The following MAMDC2 variants were observed in gnomAD, a reference collection of about 807,000 sequenced individuals.
MAMDC2 encodes MAM domain-containing protein 2.
A neutral mutation model predicts 89.8 loss-of-function variants in MAMDC2; 57 were observed. The observed-to-expected ratio is 0.63, with a 90% CI of 0.51 to 0.79. MAMDC2 has a LOEUF of 0.79. Ranked by LOEUF, MAMDC2 falls within the 30% of genes least tolerant of loss-of-function variation. MAMDC2 has a pLI of 0.00. For missense variants in MAMDC2, 800 were observed against 820.6 expected (o/e 0.97, Z 0.31); for synonymous variants, 313 against 293.4 (o/e 1.07, Z -0.68).
intron 11 of MAMDC2, chr9:70,217,232 T>C: frequency 2.4e-6 from 2 of 848,028 alleles, no homozygotes; most frequent in Non-Finnish European, 4.1e-6. Context: ...GGGTACAAGA[T>C]CTACCCGGGA....
intron 11 of MAMDC2, among the ~76,000 whole-genome samples, chr9:70,202,627 G>C (rs1487465324): frequency 6.9e-6 from 1 of 144,506 alleles, no homozygotes; most frequent in African/African-American, 2.6e-5. Flanking sequence ...TTTCTGTCTC[G>C]TTGATCTGTC....
chr9:70,201,944 T>C (rs529509388), intron 11 of MAMDC2, among the ~76,000 whole-genome samples: 36 of 148,998 alleles, frequency 2.4e-4, no homozygotes, highest in Non-Finnish European at 4.6e-4. Flanking sequence ...TCTTCTCTCT[T>C]TTTTTCTTTA....
chr9:70,044,716 G>C lies in MAMDC2; in HGVS notation c.148+19G>C. The C allele has an allele frequency of 6.6e-7, 1 of 1,523,988 alleles. No homozygotes were observed. Among genetic ancestry groups the C allele is most frequent in the Non-Finnish European group, 8.9e-7 (1 of 1,122,296 alleles). 94.4% of individuals were successfully genotyped at this position (1,523,988 alleles called of 1,614,324 possible). Reference sequence around the variant, plus strand: ...GAGGAAGGTAAGGAGGCTCGGTGGAGAGGGGCGCGAAGTGAACTTTCTTCC... The same window carrying C: ...GAGGAAGGTAAGGAGGCTCGGTGGACAGGGGCGCGAAGTGAACTTTCTTCC... On this transcript the variant is annotated intron_variant, in intron 2 of 13. Coordinates refer to ENST00000377182, the MANE Select transcript of MAMDC2 (RefSeq NM_153267.5).
At chr9:70,223,865 G>A (rs1339645687) in intron 12 of MAMDC2, among the ~76,000 whole-genome samples, 1 of 152,084 alleles carries the variant, frequency 6.6e-6, no homozygotes, top group Non-Finnish European at 1.5e-5. Flanking sequence ...AAAAGAAGAG[G>A]TATTACTACA....
At chr9:70,223,635 T>G (rs984897837) in intron 12 of MAMDC2, among the ~76,000 whole-genome samples, 1 of 152,218 alleles carries the variant, frequency 6.6e-6, no homozygotes, top group African/African-American at 2.4e-5. Context: ...CCTTAAAATT[T>G]CAAACTATCC....
rs1000045943 is a variant in MAMDC2, at chr9:70,161,912, A to C, written c.1405-6790A>C. Reference sequence around the variant, plus strand: ...CAAAAGATTTTAACCTCATCAGAAGAAAAGTTAAATTTAACTCAAAATCAA... The same window carrying C: ...CAAAAGATTTTAACCTCATCAGAAGCAAAGTTAAATTTAACTCAAAATCAA... On this transcript the variant is annotated intron_variant, in intron 9 of 13. Transcript: ENST00000377182. 8.5e-5 allele frequency among the ~76,000 whole-genome samples: 13 copies of C among 152,256 alleles called. No individual in the cohort carries two copies. In the East Asian group the frequency reaches 1.3e-3, roughly 16 times the overall value.
chr9:70,121,576 G>A (rs192482150), intron 5 of MAMDC2, among the ~76,000 whole-genome samples: 116 of 152,096 alleles, frequency 7.6e-4, no homozygotes, highest in African/African-American at 2.4e-3. Flanking sequence ...AACCTCTTTC[G>A]TTTTCAGTTC....
intron 2 of MAMDC2, chr9:70,081,984 C>T (rs888374956): frequency 1.2e-4 from 19 of 152,246 alleles, no homozygotes; most frequent in African/African-American, 4.3e-4. Context: ...CTGTGATAAT[C>T]TTATTTCCAA....
intron 2 of MAMDC2, among the ~76,000 whole-genome samples, chr9:70,065,349 T>C (rs555680239): frequency 1.3e-5 from 2 of 152,326 alleles, no homozygotes; most frequent in East Asian, 3.9e-4. Context: ...AGAATCCCTC[T>C]TTCTGTCCAG....
intron 2 of MAMDC2, among the ~76,000 whole-genome samples, chr9:70,068,508 G>C (rs1239784053): frequency 6.6e-6 from 1 of 152,012 alleles, no homozygotes; most frequent in African/African-American, 2.4e-5. Flanking sequence ...ACTTGAGGTA[G>C]GAGTTTGAGA....
rs559161768 is a variant in MAMDC2, at chr9:70,101,332, CGAA to C, written c.149-6877_149-6875del. Among the ~76,000 whole-genome samples, 1,055 of 151,456 alleles carry C rather than the reference CGAA, an allele frequency of 7.0e-3. 10 individuals are homozygous for C. Among genetic ancestry groups the C allele is most frequent in the South Asian group, 0.013 (60 of 4,798 alleles). Reference sequence around the variant, plus strand: ...TATAAAGTAAAAAGGTTATAGTAAACGAAGGTTAATTCATTATTGAAAAAAGAA... The same window carrying C: ...TATAAAGTAAAAAGGTTATAGTAAACGGTTAATTCATTATTGAAAAAAGAA... On this transcript the variant is annotated intron_variant, in intron 2 of 13. Transcript: ENST00000377182.
intron 7 of MAMDC2, among the ~76,000 whole-genome samples, chr9:70,133,321 G>GA (rs1297547580): frequency 1.3e-5 from 2 of 151,976 alleles, no homozygotes; most frequent in Non-Finnish European, 2.9e-5. Context: ...TCCTCCTTTT[G>GA]AAAAAAAGAG....
At chr9:70,090,330 A>T (rs536187765) in intron 2 of MAMDC2, among the ~76,000 whole-genome samples, 1 of 152,094 alleles carries the variant, frequency 6.6e-6, no homozygotes, top group East Asian at 1.9e-4. Flanking sequence ...CAAAAAGTTT[A>T]AAAATTGGCC....
At chr9:70,045,171 G>A (rs1178534694) in intron 2 of MAMDC2, among the ~76,000 whole-genome samples, 1 of 152,166 alleles carries the variant, frequency 6.6e-6, no homozygotes, top group Non-Finnish European at 1.5e-5. Flanking sequence ...CATCACGTCT[G>A]CCTTGACCCT....
At position 70,143,738 on chromosome 9, in the gene MAMDC2, G is replaced by A. The variant is rs1438185533; in HGVS notation, c.1323G>A (p.Glu441=). 1.9e-6 allele frequency: 3 copies of A among 1,614,074 alleles called. No homozygotes were observed. In the Admixed American group the frequency reaches 5.0e-5, roughly 27 times the overall value. The change falls in exon 9 of 14, where the codon GAG becomes GAA. Residue 441 remains glutamate, a synonymous_variant. Transcript: ENST00000377182. ...TTGAAGAGAACCATGTGGTTCAAGA[G>A]AAGATCTGGTCTGTGTTGGAGTCCC... ...YIFEENHVVQ[E]KIWSVLESPR...
chr9:70,063,637 T>G (rs1023139178), intron 2 of MAMDC2, among the ~76,000 whole-genome samples: 3 of 152,208 alleles, frequency 2.0e-5, no homozygotes, highest in African/African-American at 7.2e-5. Context: ...GTCTCTTCAT[T>G]TACCATTAGA....
chr9:70,069,992 G>A lies in MAMDC2; in HGVS notation c.148+25295G>A, dbSNP rs992736626. On this transcript the variant is annotated intron_variant, in intron 2 of 13. Transcript: ENST00000377182. The stretch of plus-strand genomic sequence containing the variant: ...TGCTCCAAGATCCCACTCAGGGGGA[G>A]GTGTTTGCAAAAGGGATGAGCTGAA... Among the ~76,000 whole-genome samples the A allele has an allele frequency of 5.3e-5, 8 of 152,190 alleles. No individual in the cohort carries two copies. The East Asian group carries it at 7.7e-4, about 15-fold the overall frequency.
At chr9:70,151,981 C>T (rs2031596365) in intron 9 of MAMDC2, among the ~76,000 whole-genome samples, 1 of 152,128 alleles carries the variant, frequency 6.6e-6, no homozygotes, top group Admixed American at 6.5e-5. Flanking sequence ...TTATTTCCAC[C>T]TCTCAGTGAG....
chr9:70,204,181 G>A (rs2033167108), intron 11 of MAMDC2, among the ~76,000 whole-genome samples: 1 of 149,192 alleles, frequency 6.7e-6, no homozygotes, highest in African/African-American at 2.4e-5. Context: ...CCCCATCTTT[G>A]TGGTTTTATC....
Sources: allele counts gnomAD v4.1 joint callset (sites outside exome capture counted in the v4.1 genomes callset), GRCh38; gene constraint gnomAD v4.1.1; transcripts MANE v1.5; gene names NCBI Gene and HGNC (gene_info 2026-07-23, HGNC 2026-07-21).